The following TMTC2 variants were observed in gnomAD, a reference collection of about 807,000 sequenced individuals.
TMTC2 encodes transmembrane O-mannosyltransferase targeting cadherins 2, also known as protein O-mannosyl-transferase TMTC2.
TMTC2 carries 43 observed loss-of-function variants against 82.4 expected under a neutral mutation model. The ratio of observed to expected loss-of-function variants is 0.52; its 90% confidence interval spans 0.41 to 0.67. TMTC2 has a LOEUF of 0.67. Among genes scored for constraint, TMTC2 ranks in the 30% least tolerant of loss-of-function variants. The probability of loss-of-function intolerance (pLI) is 0.00; values close to 1 mark genes in which losing one functional copy is unlikely to be tolerated. For synonymous variants in TMTC2, 408 were observed against 381.9 expected (o/e 1.07, Z -0.80); for missense variants, 919 against 1,012.4 (o/e 0.91, Z 1.25).
chr12:82,732,374 G>T (rs1294949353), intron 1 of TMTC2, among the ~76,000 whole-genome samples: 1 of 151,028 alleles, frequency 6.6e-6, no homozygotes, highest in Non-Finnish European at 1.5e-5. Flanking sequence ...ACGGATTCTT[G>T]TCCTGTCGCC....
chr12:83,090,633 G>T (rs1040956001), intron 11 of TMTC2, among the ~76,000 whole-genome samples: 1 of 152,112 alleles, frequency 6.6e-6, no homozygotes, highest in Non-Finnish European at 1.5e-5. Flanking sequence ...TCTCAAATCT[G>T]TCTTCCCCCT....
intron 11 of TMTC2, among the ~76,000 whole-genome samples, chr12:83,123,153 T>C (rs939107014): frequency 6.6e-6 from 1 of 152,126 alleles, no homozygotes; most frequent in Non-Finnish European, 1.5e-5. Flanking sequence ...AAAAGTTAAA[T>C]GAACATTCTT....
At chr12:82,887,497 T>G (rs73360265) in intron 2 of TMTC2, among the ~76,000 whole-genome samples, 3,880 of 152,196 alleles carry the variant, frequency 0.025, 170 homozygotes, top group African/African-American at 0.088. Context: ...AGGTGATATG[T>G]GGGGAAGATT....
At chr12:82,734,634 T>C (rs1257731396) in intron 1 of TMTC2, among the ~76,000 whole-genome samples, 2 of 152,194 alleles carry the variant, frequency 1.3e-5, no homozygotes, top group African/African-American at 4.8e-5. Flanking sequence ...GTCATCTTAA[T>C]ATTATGCCTA....
intron 2 of TMTC2, among the ~76,000 whole-genome samples, chr12:82,895,193 A>G (rs911137406): frequency 9.9e-5 from 15 of 151,964 alleles, no homozygotes; most frequent in Non-Finnish European, 1.8e-4. Context: ...TGAGTGTTGG[A>G]TGCCACTGAT....
chr12:82,850,064 G>C (rs1221594962), intron 1 of TMTC2, among the ~76,000 whole-genome samples: 1 of 151,930 alleles, frequency 6.6e-6, no homozygotes, highest in Non-Finnish European at 1.5e-5. Flanking sequence ...TTCATCTGGG[G>C]GTAAGGGCAG....
intron 10 of TMTC2, among the ~76,000 whole-genome samples, chr12:83,055,666 T>G (rs1369640687): frequency 1.3e-5 from 2 of 151,668 alleles, no homozygotes; most frequent in Non-Finnish European, 2.9e-5. Context: ...AAAAACAAAC[T>G]TTACATGGTT....
chr12:82,863,528 A>T lies in TMTC2; in HGVS notation c.654+5948A>T, dbSNP rs115217836. 6.4e-3 allele frequency among the ~76,000 whole-genome samples: 977 copies of T among 152,286 alleles called. 10 individuals are homozygous for T. The highest frequency in any genetic ancestry group is 0.022 in the African/African-American group (926 of 41,544). ...ACAAATAAAGTCAATGTTCAAAAAT[A>T]TTTTACGATTCAAAAAGTCAAAGAT... On this transcript the variant is annotated intron_variant, in intron 2 of 11. Transcript: ENST00000321196.
At chr12:82,832,680 A>G (rs1869819173) in intron 1 of TMTC2, among the ~76,000 whole-genome samples, 1 of 152,214 alleles carries the variant, frequency 6.6e-6, no homozygotes, top group Non-Finnish European at 1.5e-5. Context: ...AATCTTCACT[A>G]CAAATAAATT....
intron 1 of TMTC2, among the ~76,000 whole-genome samples, chr12:82,816,516 A>G (rs946582653): frequency 6.6e-6 from 1 of 152,060 alleles, no homozygotes; most frequent in Non-Finnish European, 1.5e-5. Context: ...TGTGTTTGAA[A>G]TGTTGTGGCC....
chr12:83,111,934 C>T (rs1160927386), intron 11 of TMTC2, among the ~76,000 whole-genome samples: 1 of 150,706 alleles, frequency 6.6e-6, no homozygotes, highest in East Asian at 1.9e-4. Context: ...CATGGCAAAA[C>T]CTCGTCTCTA....
intron 4 of TMTC2, among the ~76,000 whole-genome samples, chr12:82,943,510 G>T (rs1876833079): frequency 6.6e-6 from 1 of 152,074 alleles, no homozygotes; most frequent in Non-Finnish European, 1.5e-5. Context: ...GCTAGTTTTG[G>T]AGGTATCTTT....
At chr12:83,024,499 C>T (rs886939345) in intron 8 of TMTC2, among the ~76,000 whole-genome samples, 1 of 152,150 alleles carries the variant, frequency 6.6e-6, no homozygotes, top group Non-Finnish European at 1.5e-5. Context: ...ATAACAGACA[C>T]TCACTATTGT....
In TMTC2 at chr12:82,899,514, T is replaced by C. The variant is rs191404103; in HGVS notation, c.1483+2868T>C. Among the ~76,000 whole-genome samples, 75 of 147,442 alleles carry C rather than the reference T, an allele frequency of 5.1e-4. 1 individual carries two copies. The highest frequency in any genetic ancestry group is 1.5e-3 in the African/African-American group (60 of 40,090). On this transcript the variant is annotated intron_variant, in intron 3 of 11. Coordinates refer to ENST00000321196, the MANE Select transcript of TMTC2 (RefSeq NM_152588.3). ...TGACCACCATCTTTTATCTGGAATA[T>C]ATATATAGGAATATATATATGTGTG... is the stretch of plus-strand genomic sequence containing the variant.
intron 1 of TMTC2, among the ~76,000 whole-genome samples, chr12:82,744,571 A>C (rs1326616409): frequency 1.8e-5 from 1 of 57,138 alleles, no homozygotes; most frequent in African/African-American, 5.9e-5. Context: ...GGCGACAGAG[A>C]CTCTGACTCT....
intron 1 of TMTC2, among the ~76,000 whole-genome samples, chr12:82,801,496 C>A (rs1451202898): frequency 6.6e-6 from 1 of 152,144 alleles, no homozygotes; most frequent in Non-Finnish European, 1.5e-5. Context: ...CACCCACATC[C>A]TGCTGATTGG....
At chr12:82,771,196 G>A (rs1216730441) in intron 1 of TMTC2, among the ~76,000 whole-genome samples, 2 of 137,022 alleles carry the variant, frequency 1.5e-5, no homozygotes, top group Non-Finnish European at 3.1e-5. Context: ...GACAGAGCAA[G>A]ACTCTGTCTC....
At chr12:82,876,097 A>ATGGTGG (rs3068166) in intron 2 of TMTC2, among the ~76,000 whole-genome samples, 21 of 113,328 alleles carry the variant, frequency 1.9e-4, no homozygotes, top group East Asian at 8.4e-4. Flanking sequence ...AGTATTCATA[A>ATGGTGG]TGGTGGTGGT....
At chr12:82,784,942 A>G (rs902648884) in intron 1 of TMTC2, among the ~76,000 whole-genome samples, 4 of 152,096 alleles carry the variant, frequency 2.6e-5, no homozygotes, top group African/African-American at 4.8e-5. Context: ...TAGAATTTTC[A>G]GAAAATAGCT....
Sources: gnomAD v4.1 joint callset for allele counts (sites outside exome capture counted in the v4.1 genomes callset) on GRCh38, gnomAD v4.1.1 for gene constraint, MANE v1.5 for transcripts, NCBI Gene and HGNC (gene_info 2026-07-23, HGNC 2026-07-21) for gene names.